The following LRRFIP1 variants were observed in gnomAD, a reference collection of about 807,000 sequenced individuals.
LRRFIP1 encodes LRR binding FLII interacting protein 1, also known as leucine-rich repeat flightless-interacting protein 1.
In LRRFIP1, 62 loss-of-function variants were observed where a neutral mutation model predicts 104.4. That is an observed-to-expected ratio of 0.59 (90% confidence interval 0.48 to 0.73). The LOEUF is 0.73. Among genes scored for constraint, LRRFIP1 ranks in the 30% least tolerant of loss-of-function variants. LRRFIP1 has a pLI of 0.00. For synonymous variants in LRRFIP1, 300 were observed against 299.0 expected, an observed-to-expected ratio of 1.00 and a Z score of -0.03; for missense variants, 796 against 824.5, an observed-to-expected ratio of 0.97 and a Z score of 0.42.
chr2:237,692,651 A>G, intron 1 of LRRFIP1: 1 of 1,242,522 alleles, frequency 8.0e-7, no homozygotes. Context: ...GCGGGACCCC[A>G]GCGCGGTGGG....
At chr2:237,680,903 C>G (rs1013269055) in intron 1 of LRRFIP1, among the ~76,000 whole-genome samples, 12 of 152,272 alleles carry the variant, frequency 7.9e-5, no homozygotes, top group African/African-American at 2.2e-4. Context: ...ATCACTTGAG[C>G]CCAAGAGGTG....
chr2:237,730,083 T>G (rs2094933156), intron 8 of LRRFIP1, among the ~76,000 whole-genome samples: 1 of 152,246 alleles, frequency 6.6e-6, no homozygotes, highest in Admixed American at 6.5e-5. Flanking sequence ...GGCATTCAGC[T>G]GGCTGCAATG....
intron 19 of LRRFIP1, chr2:237,764,270 A>G (rs1463339919): frequency 3.8e-6 from 6 of 1,585,194 alleles, no homozygotes; most frequent in Middle Eastern, 3.3e-4. Context: ...CAGGTGCTCT[A>G]CTGCTTTAAG....
At chr2:237,642,678 T>A (rs2084194058) in intron 1 of LRRFIP1, among the ~76,000 whole-genome samples, 1 of 150,970 alleles carries the variant, frequency 6.6e-6, no homozygotes, top group Non-Finnish European at 1.5e-5. Context: ...GGTACTAGGC[T>A]AAGGGTTTTG....
chr2:237,726,689 A>T lies in LRRFIP1; in HGVS notation c.385-1187A>T, dbSNP rs953604603. On this transcript the variant is annotated intron_variant, in intron 7 of 23. Coordinates refer to ENST00000308482, the MANE Select transcript of LRRFIP1 (RefSeq NM_001137550.2). The stretch of plus-strand genomic sequence containing the variant: ...AATTTGGACTCATGCCCAGGACCTG[A>T]TGGCGTCTCCTTCCATTTTTACCAG... Among the ~76,000 whole-genome samples the T allele has an allele frequency of 5.3e-5, 8 of 152,186 alleles. No individual in the cohort carries two copies. The East Asian group carries it at 1.3e-3, about 26-fold the overall frequency.
At chr2:237,640,245 C>T in intron 1 of LRRFIP1, among the ~76,000 whole-genome samples, 1 of 152,178 alleles carries the variant, frequency 6.6e-6, no homozygotes, top group East Asian at 1.9e-4. Context: ...GAGACACGAG[C>T]TGCCAATGTG....
chr2:237,735,455 C>G lies in LRRFIP1; in HGVS notation c.555+122C>G. ...ATTCTCAGGAGGAAGCGCCGAGTCACCGGGCTAACCGCCACCTTCCATTGT... is the reference window on the plus strand; with the variant it reads ...ATTCTCAGGAGGAAGCGCCGAGTCAGCGGGCTAACCGCCACCTTCCATTGT... On this transcript the variant is annotated intron_variant, in intron 10 of 23. Coordinates refer to ENST00000308482, the MANE Select transcript of LRRFIP1 (RefSeq NM_001137550.2). This position sits in a 1 kb window ranked among gnomAD's most constrained non-coding sequence, Gnocchi z 4.6. The G allele has an allele frequency of 1.3e-6, 1 of 799,528 alleles. No homozygotes were observed. The highest frequency in any genetic ancestry group is 1.7e-5 in the African/African-American group (1 of 57,408). 49.5% of individuals were successfully genotyped at this position (799,528 alleles called of 1,614,324 possible).
At chr2:237,699,255 A>C (rs932510201) in intron 1 of LRRFIP1, among the ~76,000 whole-genome samples, 4 of 152,152 alleles carry the variant, frequency 2.6e-5, no homozygotes, top group Admixed American at 2.6e-4. Flanking sequence ...TAGTTCATGT[A>C]TATTTGAACT....
intron 1 of LRRFIP1, among the ~76,000 whole-genome samples, chr2:237,697,892 G>A (rs1266942985): frequency 6.6e-6 from 1 of 152,176 alleles, no homozygotes; most frequent in East Asian, 1.9e-4. Context: ...GGCAATTGAA[G>A]GAAATATGAA....
chr2:237,719,393 G>C (rs1204121939), intron 4 of LRRFIP1, 130 bp from the exon 5 acceptor site: 2 of 613,064 alleles, frequency 3.3e-6, no homozygotes, highest in Non-Finnish European at 5.7e-6. Flanking sequence ...TGAAGGCAAA[G>C]AAAATATTTA....
At chr2:237,759,069 T>C (rs2059593823) in intron 18 of LRRFIP1, among the ~76,000 whole-genome samples, 1 of 152,236 alleles carries the variant, frequency 6.6e-6, no homozygotes, top group African/African-American at 2.4e-5. Flanking sequence ...AATTTTTTGA[T>C]ACATTATCTA....
At chr2:237,746,062 A>ATT (rs201079085) in intron 11 of LRRFIP1, among the ~76,000 whole-genome samples, 350 of 141,048 alleles carry the variant, frequency 2.5e-3, no homozygotes, top group African/African-American at 7.5e-3. Flanking sequence ...TATTTTATTT[A>ATT]TTTTTTTTTT....
At chr2:237,743,049 G>A (rs1391623845) in intron 11 of LRRFIP1, among the ~76,000 whole-genome samples, 1 of 152,100 alleles carries the variant, frequency 6.6e-6, no homozygotes, top group Non-Finnish European at 1.5e-5. Context: ...AAAACATATG[G>A]TTACTTTATT....
At position 237,645,569 on chromosome 2, in the gene LRRFIP1, C is replaced by T. The variant is rs779955412; in HGVS notation, c.96+17829C>T. ...GCTCTCTCTGTACTCCGGACCCTGA[C>T]ATGGATGAAAACAAGATATGCTTGG... On this transcript the variant is annotated intron_variant, in intron 1 of 23. Coordinates refer to ENST00000308482, the MANE Select transcript of LRRFIP1 (RefSeq NM_001137550.2). 2.5e-4 allele frequency among the ~76,000 whole-genome samples: 38 copies of T among 151,982 alleles called. 1 individual carries two copies. The highest frequency in any genetic ancestry group is 5.0e-4 in the Non-Finnish European group (34 of 67,950).
Position 237,776,542 on chromosome 2 carries a change from G to A in LRRFIP1, c.1812+2080G>A, listed in dbSNP as rs905969859. Among the ~76,000 whole-genome samples the A allele has an allele frequency of 2.0e-5, 3 of 152,128 alleles. No individual in the cohort carries two copies. The East Asian group carries it at 5.8e-4, about 29-fold the overall frequency. On this transcript the variant is annotated intron_variant, in intron 23 of 23. Transcript: ENST00000308482. ...GATTTGTCAAGCTCTTCCAAAAGAT[G>A]ATGGTGGATTTATCTCATTCTCCCT...
rs924724582 is a variant in LRRFIP1, at chr2:237,627,826, C to T, written c.96+86C>T. 726 of 898,024 alleles carry T rather than the reference C, an allele frequency of 8.1e-4. 9 individuals carry two copies. The African/African-American group carries it at 0.012, about 14-fold the overall frequency. The allele number at this position is 898,024 out of a possible 1,614,324, so 55.6% of individuals were successfully genotyped here. On this transcript the variant is annotated intron_variant, in intron 1 of 23. Transcript: ENST00000308482. ...CAGGGTCTCTCCGGCGTCCGTCTGT[C>T]CCGCTGTGCGTCTGTGCCACTGCGC...
chr2:237,705,134 C>G (rs1390008105), intron 1 of LRRFIP1, among the ~76,000 whole-genome samples: 1 of 152,096 alleles, frequency 6.6e-6, no homozygotes, highest in Admixed American at 6.5e-5. Context: ...TTTGGCCAGA[C>G]CCGAGCAGAG....
chr2:237,744,188 C>G (rs1427594433), intron 11 of LRRFIP1, among the ~76,000 whole-genome samples: 1 of 152,152 alleles, frequency 6.6e-6, no homozygotes. Context: ...AAAACCGTCA[C>G]CCTAGTGGTG....
At chr2:237,671,283 G>A (rs919658909) in intron 1 of LRRFIP1, among the ~76,000 whole-genome samples, 6 of 152,310 alleles carry the variant, frequency 3.9e-5, no homozygotes, top group South Asian at 2.1e-4. Context: ...ACAGATCTGA[G>A]AGCCAGAGGC....
Sources: gnomAD v4.1 joint callset for allele counts (sites outside exome capture counted in the v4.1 genomes callset) on GRCh38, gnomAD v4.1.1 for gene constraint, Gnocchi (gnomAD v3.1) non-coding constraint, MANE v1.5 for transcripts, NCBI Gene and HGNC (gene_info 2026-07-23, HGNC 2026-07-21) for gene names.